PAPPA: variants seen among roughly 807,000 people sequenced by gnomAD.
The protein encoded by PAPPA is pappalysin 1, also known as pappalysin-1.
PAPPA carries 60 observed loss-of-function variants against 164.0 expected under a neutral mutation model. That is an observed-to-expected ratio of 0.37 (90% CI 0.30 to 0.45). The LOEUF (loss-of-function observed/expected upper bound fraction) is 0.45, where lower values mean the gene tolerates loss of function less well. Among genes scored for constraint, PAPPA ranks in the 20% least tolerant of loss-of-function variants. The pLI is 1.00. For synonymous variants in PAPPA, 875 were observed against 814.1 expected (o/e 1.07, Z -1.27); for missense variants, 1,782 against 2,087.3 (o/e 0.85, Z 2.85).
intron 9 of PAPPA, among the ~76,000 whole-genome samples, chr9:116,279,012 C>T (rs752659765): frequency 1.3e-5 from 2 of 152,102 alleles, no homozygotes; most frequent in Non-Finnish European, 2.9e-5. Flanking sequence ...CAAAAATGGT[C>T]CTGAACCAAA....
chr9:116,377,708 A>G, intron 20 of PAPPA, 61 bp downstream of exon 20: 1 of 1,236,114 alleles, frequency 8.1e-7, no homozygotes, highest in Non-Finnish European at 1.2e-6. Context: ...TGTTATTGTT[A>G]TTGTTATATT....
At chr9:116,253,459 A>T (rs1844884176) in intron 7 of PAPPA, among the ~76,000 whole-genome samples, 2 of 152,070 alleles carry the variant, frequency 1.3e-5, no homozygotes, top group East Asian at 3.9e-4. Flanking sequence ...AACAGTAGCC[A>T]TTTTTTTCTG....
At chr9:116,289,205 T>TAGCATATAA in intron 9 of PAPPA, among the ~76,000 whole-genome samples, 2 of 9,946 alleles carry the variant, frequency 2.0e-4, no homozygotes, top group Non-Finnish European at 2.6e-4. Context: ...AGCATATATA[T>TAGCATATAA]ATAGCATATA....
rs1409664680 is a variant in PAPPA, at chr9:116,265,998, A to C, written c.2861+13A>C. The C allele has an allele frequency of 1.3e-6, 2 of 1,591,094 alleles. No individual in the cohort carries two copies. The highest frequency in any genetic ancestry group is 3.4e-5 in the Admixed American group (2 of 59,336). On this transcript the variant is annotated intron_variant, in intron 8 of 21. Transcript: ENST00000328252. ...GCATTATACAAAAGTAAGTAGATCT[A>C]ATTAAAGAAAGAAGAGGAGGGATGC...
At chr9:116,368,856 A>G (rs1332222198) in intron 19 of PAPPA, among the ~76,000 whole-genome samples, 1 of 152,082 alleles carries the variant, frequency 6.6e-6, no homozygotes, top group South Asian at 2.1e-4. Flanking sequence ...TACTGGGTGT[A>G]CTGTTTCTCA....
intron 1 of PAPPA, among the ~76,000 whole-genome samples, chr9:116,163,302 G>A (rs1423331711): frequency 6.6e-6 from 1 of 152,182 alleles, no homozygotes; most frequent in Admixed American, 6.5e-5. Flanking sequence ...GGATGCAGGA[G>A]GAGAGAGGAG....
At chr9:116,319,701 G>A (rs527246384) in intron 10 of PAPPA, among the ~76,000 whole-genome samples, 17 of 152,244 alleles carry the variant, frequency 1.1e-4, no homozygotes. Context: ...AATGGACTGG[G>A]AATAGGAGAT....
chr9:116,309,221 C>T (rs1845685160), intron 10 of PAPPA, among the ~76,000 whole-genome samples: 1 of 151,972 alleles, frequency 6.6e-6, no homozygotes, highest in Non-Finnish European at 1.5e-5. Context: ...GATTACAAGC[C>T]TATGCCACTA....
At chr9:116,236,681 C>T (rs1480421548) in intron 7 of PAPPA, among the ~76,000 whole-genome samples, 1 of 152,030 alleles carries the variant, frequency 6.6e-6, no homozygotes, top group Non-Finnish European at 1.5e-5. Flanking sequence ...AGGAGGAAGA[C>T]CATCTTATAA....
At chr9:116,282,441 T>G (rs1845279347) in intron 9 of PAPPA, among the ~76,000 whole-genome samples, 1 of 152,192 alleles carries the variant, frequency 6.6e-6, no homozygotes, top group Admixed American at 6.5e-5. Context: ...CATCTCACCA[T>G]CTCAGACAAA....
rs192204659 is a variant in PAPPA at position 116,368,170 on chromosome 9, C to T, written c.4605+416C>T. On this transcript the variant is annotated intron_variant, in intron 19 of 21. Coordinates refer to ENST00000328252, the MANE Select transcript of PAPPA (RefSeq NM_002581.5). ...GCTTCTCTGGTGCCCTCCCATGTAG[C>T]CTTCCACTTTACATAGCCTAGGTTT... 1.6e-4 allele frequency among the ~76,000 whole-genome samples: 25 copies of T among 152,270 alleles called. No homozygotes were observed. In the East Asian group the frequency reaches 4.8e-3, roughly 29 times the overall value.
chr9:116,295,553 C>CAAAAAAAAAA (rs56171405), intron 9 of PAPPA, among the ~76,000 whole-genome samples: 1 of 114,718 alleles, frequency 8.7e-6, no homozygotes, highest in Non-Finnish European at 1.7e-5. Flanking sequence ...GACTCGGTCT[C>CAAAAAAAAAA]AAAAAAAAAA....
chr9:116,162,412 G>A (rs1843679232), intron 1 of PAPPA, among the ~76,000 whole-genome samples: 1 of 152,110 alleles, frequency 6.6e-6, no homozygotes, highest in Admixed American at 6.6e-5. Flanking sequence ...CTAACTACCT[G>A]GAGAGCAATT....
At chr9:116,162,090 A>G (rs997980730) in intron 1 of PAPPA, among the ~76,000 whole-genome samples, 3 of 152,280 alleles carry the variant, frequency 2.0e-5, no homozygotes, top group Non-Finnish European at 2.9e-5. Context: ...AGTGAAAATG[A>G]TTATCCAGGG....
chr9:116,315,293 C>A (rs953478866), intron 10 of PAPPA, among the ~76,000 whole-genome samples: 2 of 152,024 alleles, frequency 1.3e-5, no homozygotes, highest in Admixed American at 1.3e-4. Context: ...CATCCTGAAC[C>A]CAGACCTCAT....
In PAPPA at chr9:116,339,603, C is replaced by T. The variant is rs574689469; in HGVS notation, c.3611+4529C>T. On this transcript the variant is annotated intron_variant, in intron 13 of 21. Transcript: ENST00000328252. ...GAATTGATGCCAAGAACAGTTTTCC[C>T]TCCATTTTCTAGTGTGGAGCACTTG... Among the ~76,000 whole-genome samples, 5 of 152,298 alleles carry T rather than the reference C, an allele frequency of 3.3e-5. No homozygotes were observed. In the East Asian group the frequency reaches 5.8e-4, roughly 18 times the overall value.
chr9:116,307,656 T>C (rs1481473281), intron 10 of PAPPA, among the ~76,000 whole-genome samples: 1 of 152,094 alleles, frequency 6.6e-6, no homozygotes, highest in African/African-American at 2.4e-5. Flanking sequence ...AATATAACAA[T>C]TTATACATTA....
rs769198026 is a variant in PAPPA, at chr9:116,187,470, C to A, written c.732C>A (p.Ala244=). 1.2e-6 allele frequency: 2 copies of A among 1,614,052 alleles called. No homozygotes were observed. Among genetic ancestry groups the A allele is most frequent in the Admixed American group, 1.7e-5 (1 of 60,008 alleles). ...AAGTGCTCATGTTAGGGGGCAGTGC[C>A]CTGAATCACAACTACCGGGGCTACA... The part of the protein sequence containing the change: ...KCKVLMLGGS[A]LNHNYRGYIE... The change falls in exon 2 of 22, where the codon GCC becomes GCA. Residue 244 remains alanine (A), a synonymous_variant. Coordinates refer to ENST00000328252, the MANE Select transcript of PAPPA (RefSeq NM_002581.5). This position sits in a 1 kb window ranked among gnomAD's most constrained non-coding sequence, Gnocchi z 4.2.
At chr9:116,318,905 G>A (rs1845819662) in intron 10 of PAPPA, among the ~76,000 whole-genome samples, 1 of 152,162 alleles carries the variant, frequency 6.6e-6, no homozygotes, top group Admixed American at 6.5e-5. Context: ...GGCCTGCCCT[G>A]GGCTGAGCCG....
Sources: gnomAD v4.1 joint callset for allele counts (sites outside exome capture counted in the v4.1 genomes callset) on GRCh38, gnomAD v4.1.1 for gene constraint, Gnocchi (gnomAD v3.1) non-coding constraint, MANE v1.5 for transcripts, NCBI Gene and HGNC (gene_info 2026-07-23, HGNC 2026-07-21) for gene names.